BDP1: variants seen among roughly 807,000 people sequenced by gnomAD.
BDP1 encodes BDP1 general transcription factor IIIB subunit, also known as transcription factor TFIIIB component B'' homolog.
Under a neutral mutation model 266.6 loss-of-function variants are expected in BDP1, and 169 were observed. That is an observed-to-expected ratio of 0.63 (90% CI 0.56 to 0.72). BDP1 has a LOEUF of 0.72. Ranked by LOEUF, BDP1 falls within the 30% of genes least tolerant of loss-of-function variation. BDP1 has a pLI of 0.00. For synonymous variants in BDP1, 1,090 were observed against 1,022.4 expected, an observed-to-expected ratio of 1.07 and a Z score of -1.26; for missense variants, 3,015 against 3,053.8, an observed-to-expected ratio of 0.99 and a Z score of 0.30.
downstream of BDP1, among the ~76,000 whole-genome samples, chr5:71,568,196 T>A (rs953048788): frequency 3.3e-5 from 5 of 152,150 alleles, no homozygotes; most frequent in East Asian, 9.6e-4. Context: ...ATTTCAAAGC[T>A]GTAGGAGTCT....
intron 24 of BDP1, 110 bp from the exon 25 acceptor site, chr5:71,523,829 G>T: frequency 9.2e-7 from 1 of 1,092,630 alleles, no homozygotes; most frequent in Non-Finnish European, 1.3e-6. Flanking sequence ...TGGGTGGTGG[G>T]AATTTTCATT....
intron 2 of BDP1, among the ~76,000 whole-genome samples, chr5:71,460,503 G>C (rs1761483675): frequency 6.6e-6 from 1 of 152,186 alleles, no homozygotes; most frequent in Non-Finnish European, 1.5e-5. Flanking sequence ...AAGGCATTTT[G>C]CTTGGTGCTT....
the BDP1 span, among the ~76,000 whole-genome samples, chr5:71,574,413 A>G: frequency 3.9e-5 from 6 of 152,330 alleles, no homozygotes; most frequent in African/African-American, 1.4e-4. Context: ...CAATGAGGGC[A>G]TTCCCAGTTC....
chr5:71,526,948 A>T (rs1765925608), intron 25 of BDP1, among the ~76,000 whole-genome samples: 2 of 152,108 alleles, frequency 1.3e-5, no homozygotes, highest in African/African-American at 4.8e-5. Context: ...GGCCTCCCAA[A>T]GTGCTGGGAT....
chr5:71,543,434 A>G (rs1366392560), intron 30 of BDP1, among the ~76,000 whole-genome samples: 1 of 152,164 alleles, frequency 6.6e-6, no homozygotes, highest in Non-Finnish European at 1.5e-5. Flanking sequence ...TTGTCTCTAC[A>G]AAATAATTTT....
At chr5:71,498,725 CTTT>C (rs901220175) in intron 13 of BDP1, among the ~76,000 whole-genome samples, 21 of 122,168 alleles carry the variant, frequency 1.7e-4, no homozygotes, top group Admixed American at 3.4e-4. Context: ...CGCCTGCCGT[CTTT>C]TTTTTTTTTT....
intron 7 of BDP1, among the ~76,000 whole-genome samples, chr5:71,477,278 C>A (rs1261438739): frequency 6.6e-6 from 1 of 151,902 alleles, no homozygotes; most frequent in Non-Finnish European, 1.5e-5. Flanking sequence ...CTGCCTCAGC[C>A]TCCTGGACCA....
At position 71,562,327 on chromosome 5, in the gene BDP1, T is replaced by G; in HGVS notation, c.7550T>G (p.Leu2517Trp). ...TCTTTAATATGCTCAAAGAATAGTT[T>G]GGAGTCTGATGAACCTATGCAAGTC... ...FLSLICSKNS[L>W]ESDEPMQVHS... is the part of the protein sequence containing the mutation. Residue 2517 changes from leucine (L) to tryptophan (W), a missense_variant, in exon 38 of 39, where the codon TTG becomes TGG. Leu to Trp is a moderately conservative substitution (Grantham distance 61). Coordinates refer to ENST00000358731, the MANE Select transcript of BDP1 (RefSeq NM_018429.3). 1 of 1,613,244 alleles carries G rather than the reference T, an allele frequency of 6.2e-7. No homozygotes were observed.
chr5:71,546,927 C>T (rs1339256881), intron 32 of BDP1, among the ~76,000 whole-genome samples: 2 of 152,118 alleles, frequency 1.3e-5, no homozygotes, highest in African/African-American at 4.8e-5. Flanking sequence ...CTCACTGCAA[C>T]CTCTGCCTCC....
chr5:71,556,926 G>C lies in BDP1; in HGVS notation c.7240+1G>C. The C allele has an allele frequency of 2.1e-6, 3 of 1,444,040 alleles. No individual in the cohort carries two copies. Among genetic ancestry groups the C allele is most frequent in the Non-Finnish European group, 2.8e-6 (3 of 1,081,560 alleles). The allele number at this position is 1,444,040 out of a possible 1,614,324, so 89.5% of individuals were successfully genotyped here. A position where few individuals can be genotyped will look rare whatever the true frequency, so the allele number is the denominator to read the frequency against. ...TTAACAAATGTTTTTGAGGAAACAGGTAAGTGAAATACATTTTAACATGAT... is the reference window on the plus strand; with the variant it reads ...TTAACAAATGTTTTTGAGGAAACAGCTAAGTGAAATACATTTTAACATGAT... On this transcript the variant is annotated splice_donor_variant, in intron 36 of 38. Transcript: ENST00000358731. LOFTEE classifies it high-confidence loss of function.
chr5:71,500,316 CTTTTTTTTTT>C (rs58201517), intron 13 of BDP1, among the ~76,000 whole-genome samples: 35 of 73,100 alleles, frequency 4.8e-4, no homozygotes, highest in East Asian at 2.5e-3. Flanking sequence ...AATCTTGTTT[CTTTTTTTTTT>C]TTTTTTTTTT....
chr5:71,475,516 A>G (rs1210201684), intron 7 of BDP1, among the ~76,000 whole-genome samples: 2 of 152,220 alleles, frequency 1.3e-5, no homozygotes, highest in Non-Finnish European at 2.9e-5. Flanking sequence ...CAGGCCATAA[A>G]TAACGTATTA....
chr5:71,489,582 A>G lies in BDP1; in HGVS notation c.1392A>G (p.Arg464=), dbSNP rs144162977. The G allele has an allele frequency of 5.1e-5, 82 of 1,614,126 alleles. 1 individual carries two copies. Among genetic ancestry groups the G allele is most frequent in the African/African-American group, 5.1e-4 (38 of 75,062 alleles). Residue 464 remains arginine, a synonymous_variant, in exon 10 of 39, where the codon AGA becomes AGG. Transcript: ENST00000358731. ...AAGTAGACCTAAATCAAAAGAAAAG[A>G]AGGAGGAAGAAGCAAGATGGAGCTA... ...ALEVDLNQKK[R]RRKKQDGANE...
intron 28 of BDP1, among the ~76,000 whole-genome samples, chr5:71,539,934 TAC>T (rs1766861395): frequency 6.6e-6 from 1 of 152,120 alleles, no homozygotes; most frequent in Non-Finnish European, 1.5e-5. Flanking sequence ...AGGTAGTGAA[TAC>T]TACCTTTACC....
In BDP1 at chr5:71,501,096, C is replaced by CA. The variant is rs56336806; in HGVS notation, c.1957-450dup. ...TGGGCGACAGAGCATGACCCTGTCT[C>CA]AAAAAAAAAAAAAAAATTCTCATCT... On this transcript the variant is annotated intron_variant, in intron 13 of 38. Coordinates refer to ENST00000358731, the MANE Select transcript of BDP1 (RefSeq NM_018429.3). Among the ~76,000 whole-genome samples the CA allele has an allele frequency of 4.0e-3, 540 of 135,854 alleles. 5 individuals carry two copies. Among genetic ancestry groups the CA allele is most frequent in the Admixed American group, 5.7e-3 (76 of 13,232 alleles). 89.1% of individuals were successfully genotyped at this position (135,854 alleles called of 152,430 possible). A position where few individuals can be genotyped will look rare whatever the true frequency, so the allele number is the denominator to read the frequency against.
In BDP1 at chr5:71,548,693, A is replaced by T. The variant is rs1321658264; in HGVS notation, c.6756A>T (p.Thr2252=). The T allele has an allele frequency of 6.2e-7, 1 of 1,606,864 alleles. No homozygotes were observed. The highest frequency in any genetic ancestry group is 8.5e-7 in the Non-Finnish European group (1 of 1,174,072). Residue 2252 remains threonine (T), a synonymous_variant, in exon 33 of 39, where the codon ACA becomes ACT. Coordinates refer to ENST00000358731, the MANE Select transcript of BDP1 (RefSeq NM_018429.3). ...LTLPVPEYTP[T]SIPEVQQENI... ...ATTTTTTATGGCAGTATACACCAAC[A>T]AGTATTCCAGAAGTCCAACAAGAGA...
intron 25 of BDP1, among the ~76,000 whole-genome samples, chr5:71,530,108 A>C (rs1766141943): frequency 6.6e-6 from 1 of 152,192 alleles, no homozygotes; most frequent in Admixed American, 6.5e-5. Flanking sequence ...ATGCTTAAAA[A>C]ACCAACTTTT....
chr5:71,538,506 G>A (rs1008873173), intron 26 of BDP1, among the ~76,000 whole-genome samples: 3 of 152,168 alleles, frequency 2.0e-5, no homozygotes, highest in East Asian at 1.9e-4. Context: ...GCTTTTTGTC[G>A]TTAGGATCAG....
At position 71,468,407 on chromosome 5, in the gene BDP1, CG is replaced by C. The variant is rs549115746; in HGVS notation, c.919+921del. ...TAGGCTCAAGCGATCCTTTGCCTCCCGAAGTGTTGAGATTATAGGCGTGAGT... is the reference window on the plus strand; with the variant it reads ...TAGGCTCAAGCGATCCTTTGCCTCCCAAGTGTTGAGATTATAGGCGTGAGT... On this transcript the variant is annotated intron_variant, in intron 6 of 38. Transcript: ENST00000358731. Among the ~76,000 whole-genome samples, 132 of 151,742 alleles carry C rather than the reference CG, an allele frequency of 8.7e-4. 1 individual carries two copies. The highest frequency in any genetic ancestry group is 1.4e-3 in the Non-Finnish European group (94 of 67,952).
Sources: gnomAD v4.1 joint callset for allele counts (sites outside exome capture counted in the v4.1 genomes callset) on GRCh38, gnomAD v4.1.1 for gene constraint, MANE v1.5 for transcripts, NCBI Gene and HGNC (gene_info 2026-07-23, HGNC 2026-07-21) for gene names.